ARHGAP1: variants seen among roughly 807,000 people sequenced by gnomAD.
ARHGAP1 encodes the protein Rho GTPase activating protein 1, also known as rho GTPase-activating protein 1.
Under a neutral mutation model 52.2 loss-of-function variants are expected in ARHGAP1, and 23 were observed. The ratio of observed to expected loss-of-function variants is 0.44; its 90% CI spans 0.32 to 0.62. The LOEUF is 0.62. Among genes scored for constraint, ARHGAP1 ranks in the 20% least tolerant of loss-of-function variants. The probability of loss-of-function intolerance (pLI) is 0.05; values close to 1 mark genes in which losing one functional copy is unlikely to be tolerated. For missense variants in ARHGAP1, 480 were observed against 560.9 expected, an observed-to-expected ratio of 0.86 and a Z score of 1.46; for synonymous variants, 210 against 228.4, an observed-to-expected ratio of 0.92 and a Z score of 0.73.
Position 46,681,908 on chromosome 11 carries a change from G to T in ARHGAP1, c.449+143C>A. On this transcript the variant is annotated intron_variant, in intron 5 of 12. Coordinates refer to ENST00000311956, the MANE Select transcript of ARHGAP1 (RefSeq NM_004308.5). This position sits in a 1 kb window ranked among gnomAD's most constrained non-coding sequence, Gnocchi z 5.7. ...TACTTAAGCCCAGGGTGATCTGACTGCAGATTCTTTACATTGACGTAGACG... is the reference window on the plus strand; with the variant it reads ...TACTTAAGCCCAGGGTGATCTGACTTCAGATTCTTTACATTGACGTAGACG... 8.5e-7 allele frequency: 1 copy of T among 1,169,684 alleles called. No individual in the cohort carries two copies. The highest frequency in any genetic ancestry group is 1.2e-6 in the Non-Finnish European group (1 of 839,262). 72.5% of individuals were successfully genotyped at this position (1,169,684 alleles called of 1,614,324 possible). A position where few individuals can be genotyped will look rare whatever the true frequency, so the allele number is the denominator to read the frequency against.
rs762922329 is a variant in ARHGAP1 at position 46,677,637 on chromosome 11, T to C, written c.*1400A>G. The C allele has an allele frequency of 1.3e-5, 3 of 228,016 alleles. No individual in the cohort carries two copies. Among genetic ancestry groups the C allele is most frequent in the Non-Finnish European group, 2.7e-5 (3 of 112,630 alleles). The allele number at this position is 228,016 out of a possible 1,614,324, so 14.1% of individuals were successfully genotyped here. Reference sequence around the variant, plus strand: ...CAGTGGGAGTGAGATCAGCCATCACTGGGGCCGAGGTTCTTTGAAAGACAA... The same window carrying C: ...CAGTGGGAGTGAGATCAGCCATCACCGGGGCCGAGGTTCTTTGAAAGACAA... On this transcript the variant is annotated 3_prime_UTR_variant, in exon 13 of 13. Transcript: ENST00000311956.
Position 46,681,414 on chromosome 11 carries a change from G to A in ARHGAP1, c.450-35C>T, listed in dbSNP as rs372633330. The A allele has an allele frequency of 4.0e-5, 61 of 1,518,180 alleles. No homozygotes were observed. The highest frequency in any genetic ancestry group is 4.8e-5 in the Non-Finnish European group (52 of 1,092,924). The allele number at this position is 1,518,180 out of a possible 1,614,324, so 94.0% of individuals were successfully genotyped here. On this transcript the variant is annotated intron_variant, in intron 5 of 12. Transcript: ENST00000311956. This position sits in a 1 kb window ranked among gnomAD's most constrained non-coding sequence, Gnocchi z 5.7. The stretch of plus-strand genomic sequence containing the variant: ...CAGAATGGACAACTCAGGAGCAGGC[G>A]TGGTGGGACAGGTGCCACGCTAGGG...
chr11:46,689,939 G>A (rs1476376955), intron 3 of ARHGAP1, among the ~76,000 whole-genome samples: 1 of 152,212 alleles, frequency 6.6e-6, no homozygotes, highest in African/African-American at 2.4e-5. Flanking sequence ...CCGCTGAGCA[G>A]TGTGTATTTG....
chr11:46,679,634 A>G lies in ARHGAP1; in HGVS notation c.1027+14T>C, dbSNP rs775340418. On this transcript the variant is annotated intron_variant, in intron 11 of 12. Coordinates refer to ENST00000311956, the MANE Select transcript of ARHGAP1 (RefSeq NM_004308.5). The surrounding 1 kb of genome is among the most constrained non-coding windows in gnomAD (Gnocchi z 4.4). Reference sequence around the variant, plus strand: ...AGTCCAGCCCCAGGCCCAACAGAAGAGATGGGGACTCACTGAGGAAGCCCA... The same window carrying G: ...AGTCCAGCCCCAGGCCCAACAGAAGGGATGGGGACTCACTGAGGAAGCCCA... 8.1e-6 allele frequency: 13 copies of G among 1,613,740 alleles called. No homozygotes were observed. In the South Asian group the frequency reaches 1.4e-4, roughly 18 times the overall value.
chr11:46,698,993 C>T (rs957619548), intron 1 of ARHGAP1, among the ~76,000 whole-genome samples: 2 of 152,230 alleles, frequency 1.3e-5, no homozygotes, highest in African/African-American at 2.4e-5. Flanking sequence ...CTGCTCTACT[C>T]TGTGCAAAAT....
At chr11:46,685,970 G>A (rs996615667) in intron 4 of ARHGAP1, among the ~76,000 whole-genome samples, 2 of 149,044 alleles carry the variant, frequency 1.3e-5, no homozygotes, top group African/African-American at 4.9e-5. Flanking sequence ...CACCGTACCC[G>A]GACTTTTTTT....
At position 46,681,229 on chromosome 11, in the gene ARHGAP1, C is replaced by T. The variant is rs1286213057; in HGVS notation, c.536+64G>A. ...CCGCACCTGGTGGTCCCCAGGCTGC[C>T]CAGCCTCCCAGCTTCAGAGTTCCAG... On this transcript the variant is annotated intron_variant, in intron 6 of 12. Transcript: ENST00000311956. This position sits in a 1 kb window ranked among gnomAD's most constrained non-coding sequence, Gnocchi z 5.7. The T allele has an allele frequency of 1.3e-6, 2 of 1,560,624 alleles. No homozygotes were observed. The highest frequency in any genetic ancestry group is 1.8e-6 in the Non-Finnish European group (2 of 1,131,718).
At chr11:46,694,901 C>A (rs2064641002) in intron 3 of ARHGAP1, among the ~76,000 whole-genome samples, 1 of 152,196 alleles carries the variant, frequency 6.6e-6, no homozygotes, top group Admixed American at 6.5e-5. Context: ...TTCTCCTTGC[C>A]CACGCCAATG....
chr11:46,679,368 C>T lies in ARHGAP1; in HGVS notation c.1128G>A (p.Val376=), dbSNP rs749090193. The T allele has an allele frequency of 1.2e-6, 2 of 1,613,918 alleles. No homozygotes were observed. The highest frequency in any genetic ancestry group is 2.2e-5 in the South Asian group (2 of 91,072). ...QVLRFLTAFL[V]QISAHSDQNK... is the part of the protein sequence containing the mutation. ...GAGGCCAAGTCCAAGGTCTCACCTG[C>T]ACCAGGAAAGCAGTCAGGAAACGAA... The change falls in exon 12 of 13, where the codon GTG becomes GTA. Residue 376 remains valine (V), a synonymous_variant. Coordinates refer to ENST00000311956, the MANE Select transcript of ARHGAP1 (RefSeq NM_004308.5). This position sits in a 1 kb window ranked among gnomAD's most constrained non-coding sequence, Gnocchi z 4.4.
intron 4 of ARHGAP1, among the ~76,000 whole-genome samples, chr11:46,685,311 A>G (rs2064560235): frequency 6.7e-6 from 1 of 150,136 alleles, no homozygotes; most frequent in Non-Finnish European, 1.5e-5. Context: ...AATGTACACA[A>G]TGGATTTCAT....
Position 46,679,601 on chromosome 11 carries a change from C to G in ARHGAP1, c.1027+47G>C. On this transcript the variant is annotated intron_variant, in intron 11 of 12. Transcript: ENST00000311956. This position sits in a 1 kb window ranked among gnomAD's most constrained non-coding sequence, Gnocchi z 4.4. ...CTAGGCCCGAAAGCCTGCAGCGCAC[C>G]TGCCCCAAGTCCAGCCCCAGGCCCA... The G allele has an allele frequency of 6.2e-7, 1 of 1,612,422 alleles. No individual in the cohort carries two copies. The highest frequency in any genetic ancestry group is 8.5e-7 in the Non-Finnish European group (1 of 1,179,142).
chr11:46,695,794 C>T (rs1225260378), intron 2 of ARHGAP1, 39 bp from the exon 3 acceptor site: 4 of 1,553,934 alleles, frequency 2.6e-6, no homozygotes, highest in Non-Finnish European at 3.5e-6. Flanking sequence ...AGCCAGGGGG[C>T]TGGCACCATG....
Position 46,678,909 on chromosome 11 carries a change from G to A in ARHGAP1, c.*128C>T. 1.8e-6 allele frequency: 2 copies of A among 1,092,458 alleles called. No homozygotes were observed. The highest frequency in any genetic ancestry group is 2.9e-4 in the Middle Eastern group (1 of 3,500). The allele number at this position is 1,092,458 out of a possible 1,614,324, so 67.7% of individuals were successfully genotyped here. A position where few individuals can be genotyped will look rare whatever the true frequency, so the allele number is the denominator to read the frequency against. On this transcript the variant is annotated 3_prime_UTR_variant, in exon 13 of 13. Coordinates refer to ENST00000311956, the MANE Select transcript of ARHGAP1 (RefSeq NM_004308.5). ...GGGCCGTGAGGCGGGCTGGACAGAG[G>A]TGGGGGAGAGCATGCCTGATGGGTG...
chr11:46,695,455 G>T, intron 3 of ARHGAP1: 1 of 671,752 alleles, frequency 1.5e-6, no homozygotes, highest in Admixed American at 2.1e-5. Flanking sequence ...CCACAAGGAA[G>T]AAATTAGAGT....
intron 3 of ARHGAP1, among the ~76,000 whole-genome samples, chr11:46,693,055 T>G (rs2064626673): frequency 6.6e-6 from 1 of 152,152 alleles, no homozygotes; most frequent in East Asian, 1.9e-4. Flanking sequence ...GGTTTCACTG[T>G]GTTAGCCAGG....
rs370839041 is a variant in ARHGAP1 at position 46,677,888 on chromosome 11, G to A, written c.*1149C>T. 8.5e-5 allele frequency: 36 copies of A among 424,690 alleles called. No individual in the cohort carries two copies. The highest frequency in any genetic ancestry group is 6.8e-4 in the East Asian group (9 of 13,238). The allele number at this position is 424,690 out of a possible 1,614,324, so 26.3% of individuals were successfully genotyped here. ...TTGCTTGAACCCAGAAGGCGGAGGT[G>A]TGCCGAGATCGCGCCACTGCACTCC... On this transcript the variant is annotated 3_prime_UTR_variant, in exon 13 of 13. Coordinates refer to ENST00000311956, the MANE Select transcript of ARHGAP1 (RefSeq NM_004308.5).
chr11:46,688,473 T>TA (rs1035164375), intron 3 of ARHGAP1, among the ~76,000 whole-genome samples: 10 of 150,596 alleles, frequency 6.6e-5, no homozygotes, highest in Admixed American at 2.6e-4. Flanking sequence ...GCTGGGGTAT[T>TA]AAAAAAAAAG....
At chr11:46,688,350 T>G in intron 3 of ARHGAP1, 90 bp from the exon 4 acceptor site, 1 of 1,308,138 alleles carries the variant, frequency 7.6e-7, no homozygotes. Context: ...CCTGCTGATC[T>G]GAGCCAGTTA....
At chr11:46,697,795 C>T (rs190932335) in intron 1 of ARHGAP1, among the ~76,000 whole-genome samples, 15 of 152,332 alleles carry the variant, frequency 9.8e-5, no homozygotes, top group Admixed American at 3.9e-4. Context: ...TGATCCCTCA[C>T]GGTCAGGAAT....
Sources: gnomAD v4.1 joint callset for allele counts (sites outside exome capture counted in the v4.1 genomes callset) on GRCh38, gnomAD v4.1.1 for gene constraint, Gnocchi (gnomAD v3.1) non-coding constraint, MANE v1.5 for transcripts, NCBI Gene and HGNC (gene_info 2026-07-23, HGNC 2026-07-21) for gene names.